HSPA9: variants seen among roughly 807,000 people sequenced by gnomAD.
HSPA9 encodes the protein heat shock protein family A (Hsp70) member 9.
In HSPA9, 28 loss-of-function variants were observed where a neutral mutation model predicts 81.5. The observed-to-expected ratio is 0.34, with a 90% confidence interval of 0.25 to 0.47. The LOEUF is 0.47. HSPA9 is among the 20% of genes least tolerant of loss of function. HSPA9 has a pLI of 1.00. For synonymous variants in HSPA9, 293 were observed against 290.4 expected, an observed-to-expected ratio of 1.01 and a Z score of -0.09; for missense variants, 678 against 838.0, an observed-to-expected ratio of 0.81 and a Z score of 2.36.
At chr5:138,571,647 A>ATTT (rs565771367) in intron 3 of HSPA9, among the ~76,000 whole-genome samples, 1 of 141,484 alleles carries the variant, frequency 7.1e-6, no homozygotes, top group Admixed American at 7.1e-5. Context: ...TCAAACTACT[A>ATTT]TTTTTTTTTT....
At position 138,559,947 on chromosome 5, in the gene HSPA9, G is replaced by A. The variant is rs768375412; in HGVS notation, c.1327C>T (p.Leu443=). ...TDVLLLDVTP[L]SLGIETLGGV... ...CCTAGAGTTTCAATACCCAGAGACA[G>A]GGGAGTGACATCAAGGAGCAGCACA... The change falls in exon 11 of 17, where the codon CTG becomes TTG. Residue 443 remains leucine, a synonymous_variant. Transcript: ENST00000297185. 1.1e-5 allele frequency: 18 copies of A among 1,614,124 alleles called. No homozygotes were observed. Among genetic ancestry groups the A allele is most frequent in the Non-Finnish European group, 1.3e-5 (15 of 1,180,004 alleles).
intron 4 of HSPA9, among the ~76,000 whole-genome samples, chr5:138,569,603 G>A (rs189303448): frequency 6.6e-6 from 1 of 152,118 alleles, no homozygotes; most frequent in Non-Finnish European, 1.5e-5. Context: ...GATGAACCTT[G>A]AAAACATGCT....
chr5:138,556,186 A>C, intron 16 of HSPA9, 72 bp from the exon 17 acceptor site: 1 of 1,247,786 alleles, frequency 8.0e-7, no homozygotes, highest in Non-Finnish European at 1.2e-6. Context: ...GTTGCACTCC[A>C]AGATGAGGGA....
In HSPA9 at chr5:138,556,853, G is replaced by T; in HGVS notation, c.1742C>A (p.Ala581Glu). Residue 581 changes from alanine (A) to glutamate (E), a missense_variant, in exon 15 of 17, where the codon GCA becomes GAA. Around this residue, in one of 4 missense-constraint regions of HSPA9, gnomAD observed 484 missense variants for 647.5 expected, o/e 0.75. Coordinates refer to ENST00000297185, the MANE Select transcript of HSPA9 (RefSeq NM_004134.7). ...EDRRKKERVE[A>E]VNMAEGIIHD... The stretch of plus-strand genomic sequence containing the variant: ...AATGATTCCTTCAGCCATATTAACT[G>T]CTTCAACTCGTTCCTTAGAGAAATT... 6.2e-7 allele frequency: 1 copy of T among 1,612,862 alleles called. No individual in the cohort carries two copies. Among genetic ancestry groups the T allele is most frequent in the Non-Finnish European group, 8.5e-7 (1 of 1,178,968 alleles).
intron 3 of HSPA9, among the ~76,000 whole-genome samples, chr5:138,571,715 C>T (rs970965361): frequency 1.3e-5 from 2 of 149,958 alleles, no homozygotes; most frequent in African/African-American, 2.5e-5. Context: ...GGCGCGATCT[C>T]GGCTCACTGC....
Position 138,554,693 on chromosome 5 carries a change from C to T in HSPA9, c.*1344G>A, listed in dbSNP as rs1750483060. Among the ~76,000 whole-genome samples, 3 of 152,172 alleles carry T rather than the reference C, an allele frequency of 2.0e-5. No individual in the cohort carries two copies. The South Asian group carries it at 6.2e-4, about 31-fold the overall frequency. The stretch of plus-strand genomic sequence containing the variant: ...TCTAAGCCCATCTTGATAACAGACT[C>T]TTTTGAACATGGCATATGACATTCA... On this transcript the variant is annotated 3_prime_UTR_variant, in exon 17 of 17. Transcript: ENST00000297185.
In HSPA9 at chr5:138,574,217, A is replaced by G. The variant is rs569473306; in HGVS notation, c.82-91T>C. The G allele has an allele frequency of 3.2e-5, 27 of 835,700 alleles. No individual in the cohort carries two copies. The African/African-American group carries it at 4.3e-4, about 13-fold the overall frequency. 51.8% of individuals were successfully genotyped at this position (835,700 alleles called of 1,614,324 possible). A position where few individuals can be genotyped will look rare whatever the true frequency, so the allele number is the denominator to read the frequency against. On this transcript the variant is annotated intron_variant, in intron 1 of 16. Coordinates refer to ENST00000297185, the MANE Select transcript of HSPA9 (RefSeq NM_004134.7). Reference sequence around the variant, plus strand: ...TGGGCTCACTTAGTATATAAAATACATTAAGCTACTAAAACAGTAAATATT... The same window carrying G: ...TGGGCTCACTTAGTATATAAAATACGTTAAGCTACTAAAACAGTAAATATT...
At position 138,566,908 on chromosome 5, in the gene HSPA9, T is replaced by C. The variant is rs1047351880; in HGVS notation, c.879+93A>G. 4.1e-5 allele frequency: 55 copies of C among 1,350,434 alleles called. 3 individuals are homozygous for C. In the Middle Eastern group the frequency reaches 2.8e-3, roughly 68 times the overall value. 83.7% of individuals were successfully genotyped at this position (1,350,434 alleles called of 1,614,324 possible). ...AGTATCTGTGTCTAGAATAAGGGGG[T>C]TGAACTGAACTCGTAAACAAAGCAA... On this transcript the variant is annotated intron_variant, in intron 8 of 16. Coordinates refer to ENST00000297185, the MANE Select transcript of HSPA9 (RefSeq NM_004134.7).
intron 11 of HSPA9, chr5:138,559,096 G>T: frequency 5.2e-6 from 1 of 194,036 alleles, no homozygotes. Flanking sequence ...GGTAAGTCAG[G>T]AAATAATTTT....
chr5:138,571,104 G>C lies in HSPA9; in HGVS notation c.266C>G (p.Ser89Ter). The change falls in exon 4 of 17, where the codon TCA becomes TGA. Residue 89 changes from serine (S) to a stop codon, truncating the protein, a stop_gained. Transcript: ENST00000297185. LOFTEE classifies it high-confidence loss of function. Reference protein sequence around the residue: ...ENAEGARTTPSVVAFTADGER... With the variant: ...ENAEGARTTP ...ACCATCTGCTGTAAAGGCCACAACT[G>C]AAGGGGTGGTTCTGGCACCTTCGGC... The C allele has an allele frequency of 1.9e-6, 3 of 1,614,102 alleles. No individual in the cohort carries two copies. Among genetic ancestry groups the C allele is most frequent in the Non-Finnish European group, 2.5e-6 (3 of 1,180,038 alleles).
chr5:138,574,195 G>A, intron 1 of HSPA9, 69 bp from the exon 2 acceptor site: 1 of 1,094,708 alleles, frequency 9.1e-7, no homozygotes, highest in Non-Finnish European at 1.4e-6. Flanking sequence ...GAAAACTTGG[G>A]CTCACTTAGT....
intron 13 of HSPA9, 26 bp downstream of exon 13, chr5:138,557,843 A>C (rs770198749): frequency 7.2e-7 from 1 of 1,393,350 alleles, no homozygotes. Context: ...CCTCACTCTT[A>C]GGGTCTGATA....
intron 9 of HSPA9, among the ~76,000 whole-genome samples, chr5:138,563,477 T>G (rs1194705165): frequency 6.6e-6 from 1 of 152,162 alleles, no homozygotes; most frequent in Non-Finnish European, 1.5e-5. Flanking sequence ...CAATCACTTG[T>G]GTCTTACTCT....
At chr5:138,562,532 C>A (rs1750683616) in intron 9 of HSPA9, among the ~76,000 whole-genome samples, 1 of 151,924 alleles carries the variant, frequency 6.6e-6, no homozygotes, top group Non-Finnish European at 1.5e-5. Flanking sequence ...GCCTGGGCAA[C>A]AAGAGTGAAA....
At chr5:138,570,228 A>ACTTT (rs1750848978) in intron 4 of HSPA9, among the ~76,000 whole-genome samples, 1 of 151,940 alleles carries the variant, frequency 6.6e-6, no homozygotes. Flanking sequence ...TAATCCCAAT[A>ACTTT]ATTTGGGAGG....
Position 138,566,703 on chromosome 5 carries a change from T to A in HSPA9, c.895A>T (p.Thr299Ser). 1 of 1,613,672 alleles carries A rather than the reference T, an allele frequency of 6.2e-7. No individual in the cohort carries two copies. Among genetic ancestry groups the A allele is most frequent in the Non-Finnish European group, 8.5e-7 (1 of 1,179,608 alleles). ...EFKRETGVDL[T>S]KDNMALQRVR... Reference sequence around the variant, plus strand: ...CTCTGAAGTGCCATGTTGTCTTTAGTCAAATCAACCCCTGTCTATAAAGTG... The same window carrying A: ...CTCTGAAGTGCCATGTTGTCTTTAGACAAATCAACCCCTGTCTATAAAGTG... The change falls in exon 9 of 17, where the codon ACT (threonine) becomes TCT (serine). Residue 299 changes from threonine (T) to serine (S), a missense_variant. Thr to Ser is a moderately conservative substitution (Grantham distance 58, BLOSUM62 1). Around this residue, in one of 4 missense-constraint regions of HSPA9, gnomAD observed 484 missense variants for 647.5 expected, o/e 0.75. Transcript: ENST00000297185.
chr5:138,560,083 C>T lies in HSPA9; in HGVS notation c.1191G>A (p.Gln397=), dbSNP rs1458459775. Residue 397 remains glutamine (Q), a synonymous_variant, in exon 11 of 17, where the codon CAG becomes CAA. Transcript: ENST00000297185. ...GGMTRMPKVQ[Q]TVQDLFGRAP... ...CTCTGCCAAAAAGATCCTGTACAGTCTGCTGAACCTGAACATCAAGGAAAA... is the reference window on the plus strand; with the variant it reads ...CTCTGCCAAAAAGATCCTGTACAGTTTGCTGAACCTGAACATCAAGGAAAA... The T allele has an allele frequency of 6.2e-7, 1 of 1,613,662 alleles. No homozygotes were observed. Among genetic ancestry groups the T allele is most frequent in the Non-Finnish European group, 8.5e-7 (1 of 1,179,642 alleles).
chr5:138,572,137 C>CA (rs1750918442), intron 3 of HSPA9, among the ~76,000 whole-genome samples: 1 of 151,796 alleles, frequency 6.6e-6, no homozygotes, highest in South Asian at 2.1e-4. Context: ...TTTGTAGAGA[C>CA]AGTGTTTTGC....
At chr5:138,556,147 T>C (rs1163078461) in intron 16 of HSPA9, 33 bp from the exon 17 acceptor site, 7 of 1,558,854 alleles carry the variant, frequency 4.5e-6, no homozygotes. Flanking sequence ...CCACTCAGAT[T>C]TAACGTTAGA....
Sources: allele counts gnomAD v4.1 joint callset (sites outside exome capture counted in the v4.1 genomes callset), GRCh38; gene constraint gnomAD v4.1.1; regional missense constraint gnomAD v4.1.1; transcripts MANE v1.5; gene names NCBI Gene and HGNC (gene_info 2026-07-23, HGNC 2026-07-21).